The following NFIB variants were observed in gnomAD, a reference collection of about 807,000 sequenced individuals.
NFIB encodes the protein nuclear factor I B, also known as nuclear factor 1 B-type.
A neutral mutation model predicts 61.5 loss-of-function variants in NFIB; 11 were observed. That is an observed-to-expected ratio of 0.18 (90% CI 0.11 to 0.30). The LOEUF is 0.30. Ranked by LOEUF, NFIB falls within the 10% of genes least tolerant of loss-of-function variation. The pLI, the probability that NFIB is intolerant of heterozygous loss-of-function variation, is 1.00. For missense variants in NFIB, 471 were observed against 608.9 expected, an observed-to-expected ratio of 0.77 and a Z score of 2.38; for synonymous variants, 260 against 216.5, an observed-to-expected ratio of 1.20 and a Z score of -1.76.
chr9:14,414,799 A>T, the NFIB span, among the ~76,000 whole-genome samples: 49 of 152,210 alleles, frequency 3.2e-4, no homozygotes, highest in Admixed American at 6.5e-4. Flanking sequence ...ATTTACAAGT[A>T]TATAAATATG....
chr9:14,294,244 AC>A (rs1225549201), intron 2 of NFIB, among the ~76,000 whole-genome samples: 1 of 152,212 alleles, frequency 6.6e-6, no homozygotes, highest in African/African-American at 2.4e-5. Flanking sequence ...TGTAAATAGA[AC>A]AGAAATTGTT....
intron 6 of NFIB, among the ~76,000 whole-genome samples, chr9:14,144,337 A>C (rs1316656138): frequency 1.3e-5 from 2 of 152,210 alleles, no homozygotes; most frequent in African/African-American, 2.4e-5. Context: ...TCACAAGGTT[A>C]TTACCATTAA....
intron 1 of NFIB, among the ~76,000 whole-genome samples, chr9:14,358,263 A>G (rs1229968662): frequency 6.7e-6 from 1 of 150,136 alleles, no homozygotes; most frequent in East Asian, 1.9e-4. Flanking sequence ...TGTGAATTAT[A>G]TATAAATACA....
chr9:14,475,881 C>T, the NFIB span, among the ~76,000 whole-genome samples: 1 of 152,190 alleles, frequency 6.6e-6, no homozygotes, highest in Non-Finnish European at 1.5e-5. Flanking sequence ...TCTTCAGCTA[C>T]AATACCACTG....
At chr9:14,218,434 C>T (rs1437664124) in intron 2 of NFIB, among the ~76,000 whole-genome samples, 1 of 152,120 alleles carries the variant, frequency 6.6e-6, no homozygotes, top group African/African-American at 2.4e-5. Context: ...TAAGCCAACA[C>T]AGCTTTTATC....
the NFIB span, among the ~76,000 whole-genome samples, chr9:14,480,480 AG>A: frequency 6.6e-6 from 1 of 150,786 alleles, no homozygotes; most frequent in Non-Finnish European, 1.5e-5. Context: ...CCCCTGACTG[AG>A]AAGGACAGTC....
chr9:14,416,845 G>A, the NFIB span, among the ~76,000 whole-genome samples: 1 of 150,216 alleles, frequency 6.7e-6, no homozygotes, highest in African/African-American at 2.5e-5. Flanking sequence ...TTCCAGTCCT[G>A]CAAGCTCCAT....
intron 10 of NFIB, among the ~76,000 whole-genome samples, chr9:14,095,614 G>GA (rs1453717519): frequency 6.6e-6 from 1 of 151,928 alleles, no homozygotes; most frequent in East Asian, 1.9e-4. Context: ...TTTCACTAGA[G>GA]AAAATCACCC....
chr9:14,217,496 A>G (rs936654691), intron 2 of NFIB, among the ~76,000 whole-genome samples: 1 of 152,042 alleles, frequency 6.6e-6, no homozygotes, highest in Non-Finnish European at 1.5e-5. Flanking sequence ...CCTTGTGTCT[A>G]CTAAAAATAC....
chr9:14,374,164 C>CA lies in NFIB; in HGVS notation c.108+24359dup, dbSNP rs2061390639. 2.0e-5 allele frequency among the ~76,000 whole-genome samples: 3 copies of CA among 152,146 alleles called. No individual in the cohort carries two copies. The South Asian group carries it at 6.2e-4, about 32-fold the overall frequency. On this transcript the variant is annotated intron_variant, in intron 1 of 8. Coordinates refer to the NFIB transcript ENST00000380934. ...TGAATATAACATTTTCCAAGGCTTT[C>CA]AAAAATCCTTTTGTTAAAAATACGG...
intron 4 of NFIB, among the ~76,000 whole-genome samples, chr9:14,151,445 T>C (rs1254085362): frequency 2.6e-5 from 4 of 152,130 alleles, no homozygotes; most frequent in Non-Finnish European, 5.9e-5. Context: ...ATAAAAATAT[T>C]GGGCAACAAG....
the NFIB span, among the ~76,000 whole-genome samples, chr9:14,410,971 T>A: frequency 1.2e-4 from 19 of 152,324 alleles, no homozygotes; most frequent in South Asian, 3.7e-3. Context: ...CTTGCAAAGG[T>A]CAGTATATTT....
intron 1 of NFIB, among the ~76,000 whole-genome samples, chr9:14,351,312 G>C (rs990663402): frequency 6.6e-6 from 1 of 152,222 alleles, no homozygotes; most frequent in Non-Finnish European, 1.5e-5. Flanking sequence ...CCAAAGGGCA[G>C]CTCTGCTCCT....
chr9:14,083,978 T>C lies in NFIB; in HGVS notation c.*4331A>G. 1 of 218,974 alleles carries C rather than the reference T, an allele frequency of 4.6e-6. No individual in the cohort carries two copies. Among genetic ancestry groups the C allele is most frequent in the Non-Finnish European group, 9.2e-6 (1 of 108,790 alleles). The allele number at this position is 218,974 out of a possible 1,614,324, so 13.6% of individuals were successfully genotyped here. On this transcript the variant is annotated 3_prime_UTR_variant, in exon 11 of 11. Transcript: ENST00000380953. ...TATACTAATAAAAAGACAGTGGTGC[T>C]TCGACATTCTGAAATGCTCTGGAAA...
At chr9:14,348,169 C>T (rs1166972438) in intron 1 of NFIB, among the ~76,000 whole-genome samples, 1 of 152,250 alleles carries the variant, frequency 6.6e-6, no homozygotes, top group Admixed American at 6.5e-5. Flanking sequence ...TACACACCTA[C>T]TGGCATTCCG....
intron 2 of NFIB, among the ~76,000 whole-genome samples, chr9:14,264,857 G>A (rs1032153684): frequency 6.6e-6 from 1 of 152,152 alleles, no homozygotes; most frequent in Non-Finnish European, 1.5e-5. Context: ...AACCCAAGCA[G>A]ATAATAATCT....
At chr9:14,492,129 C>A in the NFIB span, among the ~76,000 whole-genome samples, 1 of 152,040 alleles carries the variant, frequency 6.6e-6, no homozygotes. Context: ...TTTGGAAGGC[C>A]AAGGCGGGTG....
chr9:14,128,930 T>C (rs1248969297), intron 6 of NFIB, among the ~76,000 whole-genome samples: 2 of 152,192 alleles, frequency 1.3e-5, no homozygotes, highest in South Asian at 2.1e-4. Context: ...ATGTAAATTA[T>C]ATAAATTTTA....
chr9:14,089,829 A>C (rs929640306), intron 10 of NFIB, among the ~76,000 whole-genome samples: 1 of 152,142 alleles, frequency 6.6e-6, no homozygotes, highest in African/African-American at 2.4e-5. Flanking sequence ...TTTTTTTAAA[A>C]CTTGATACAT....
Sources: gnomAD v4.1 joint callset for allele counts (sites outside exome capture counted in the v4.1 genomes callset) on GRCh38, gnomAD v4.1.1 for gene constraint, MANE v1.5 for transcripts, NCBI Gene and HGNC (gene_info 2026-07-23, HGNC 2026-07-21) for gene names.